Variants in SARM1 observed in about 807,000 individuals in gnomAD.
The protein encoded by SARM1 is sterile alpha and TIR motif containing 1.
A neutral mutation model predicts 65.1 loss-of-function variants in SARM1; 60 were observed. That is an observed-to-expected ratio of 0.92 (90% CI 0.75 to 1.14). The LOEUF is 1.14. Ranked by LOEUF, SARM1 falls within the 50% of genes most tolerant of loss-of-function variation. SARM1 has a pLI of 0.00. For synonymous variants in SARM1, 417 were observed against 465.4 expected (o/e 0.90, Z 1.34); for missense variants, 913 against 1,015.7 (o/e 0.90, Z 1.37).
rs1271931761 is a variant in SARM1 at position 28,400,323 on chromosome 17, C to G, written c.*4037C>G. 2.4e-6 allele frequency: 1 copy of G among 424,030 alleles called. No homozygotes were observed. Among genetic ancestry groups the G allele is most frequent in the African/African-American group, 2.0e-5 (1 of 49,830 alleles). The allele number at this position is 424,030 out of a possible 1,614,324, so 26.3% of individuals were successfully genotyped here. The stretch of plus-strand genomic sequence containing the variant: ...CACAGTTCTGCTGCCATAGTTCCAT[C>G]TATAAAATGGGAATGGAGGGAAATA... On this transcript the variant is annotated 3_prime_UTR_variant, in exon 9 of 9. Transcript: ENST00000585482.
chr17:28,380,986 G>A (rs761453332), intron 1 of SARM1, among the ~76,000 whole-genome samples: 1 of 152,194 alleles, frequency 6.6e-6, no homozygotes, highest in African/African-American at 2.4e-5. Flanking sequence ...GAGGAGGGAG[G>A]GGGAGAACGG....
intron 2 of SARM1, among the ~76,000 whole-genome samples, chr17:28,382,984 C>A (rs1447134076): frequency 6.6e-6 from 1 of 152,178 alleles, no homozygotes; most frequent in East Asian, 1.9e-4. Flanking sequence ...TACCCCATGA[C>A]CCACCTTGTC....
chr17:28,396,050 A>G (rs376463203), intron 8 of SARM1, 24 bp downstream of exon 8: 9 of 1,613,514 alleles, frequency 5.6e-6, no homozygotes, highest in Non-Finnish European at 7.6e-6. Flanking sequence ...CCCTGGGACC[A>G]GGGGGGTAGG....
Position 28,403,334 on chromosome 17 carries a change from C to T in SARM1, c.*7048C>T, listed in dbSNP as rs542439851. ...CATAGGGACACAGCAAATGGGAGTTCCTTTTCCCTTTGCATTCAGTTACTT... is the reference window on the plus strand; with the variant it reads ...CATAGGGACACAGCAAATGGGAGTTTCTTTTCCCTTTGCATTCAGTTACTT... On this transcript the variant is annotated 3_prime_UTR_variant, in exon 9 of 9. Transcript: ENST00000585482. 2.6e-5 allele frequency: 4 copies of T among 152,358 alleles called. No individual in the cohort carries two copies. In the South Asian group the frequency reaches 8.3e-4, roughly 32 times the overall value. The allele number at this position is 152,358 out of a possible 1,614,324, so 9.4% of individuals were successfully genotyped here.
Position 28,399,736 on chromosome 17 carries a change from T to C in SARM1, c.*3450T>C. The C allele has an allele frequency of 2.5e-6, 4 of 1,613,148 alleles. No individual in the cohort carries two copies. Among genetic ancestry groups the C allele is most frequent in the Non-Finnish European group, 3.4e-6 (4 of 1,179,512 alleles). On this transcript the variant is annotated 3_prime_UTR_variant, in exon 9 of 9. Coordinates refer to ENST00000585482, the MANE Select transcript of SARM1 (RefSeq NM_015077.4). ...ATCCTGTGAGAGACCAGAGAGAGAG[T>C]TTGGATTTCATGTGGGGAACCCTCA...
At position 28,372,184 on chromosome 17, in the gene SARM1, G is replaced by C. The variant is rs782566300; in HGVS notation, c.152G>C (p.Arg51Pro). 3 of 1,362,470 alleles carry C rather than the reference G, an allele frequency of 2.2e-6. No homozygotes were observed. The highest frequency in any genetic ancestry group is 1.5e-5 in the African/African-American group (1 of 65,236). The allele number at this position is 1,362,470 out of a possible 1,614,324, so 84.4% of individuals were successfully genotyped here. A position where few individuals can be genotyped will look rare whatever the true frequency, so the allele number is the denominator to read the frequency against. ...PWWAAGGRGPREVSPGAGTEV... is the reference protein window; with the variant it reads ...PWWAAGGRGPPEVSPGAGTEV... Reference sequence around the variant, plus strand: ...TGGGCTGCGGGTGGCCGCGGGCCCCGCGAAGTGTCGCCGGGGGCAGGCACC... The same window carrying C: ...TGGGCTGCGGGTGGCCGCGGGCCCCCCGAAGTGTCGCCGGGGGCAGGCACC... The change falls in exon 1 of 9, where the codon CGC (arginine) becomes CCC (proline). Residue 51 changes from arginine (R) to proline (P), a missense_variant. Around this residue, in one of 3 missense-constraint regions of SARM1, gnomAD observed 862 missense variants for 952.1 expected, o/e 0.91. Transcript: ENST00000585482. The surrounding 1 kb of genome is among the most constrained non-coding windows in gnomAD (Gnocchi z 5.2).
chr17:28,385,367 C>A lies in SARM1; in HGVS notation c.1630+92C>A. 2 of 989,842 alleles carry A rather than the reference C, an allele frequency of 2.0e-6. No homozygotes were observed. Among genetic ancestry groups the A allele is most frequent in the Non-Finnish European group, 2.9e-6 (2 of 689,686 alleles). The allele number at this position is 989,842 out of a possible 1,614,324, so 61.3% of individuals were successfully genotyped here. ...GAGACACGGGGTGGAGCCTTCCAGCCTCGCCGTGGATTGATTGAGCACAAA... is the reference window on the plus strand; with the variant it reads ...GAGACACGGGGTGGAGCCTTCCAGCATCGCCGTGGATTGATTGAGCACAAA... On this transcript the variant is annotated intron_variant, in intron 5 of 8. Coordinates refer to ENST00000585482, the MANE Select transcript of SARM1 (RefSeq NM_015077.4). The surrounding 1 kb of genome is among the most constrained non-coding windows in gnomAD (Gnocchi z 4.5).
chr17:28,400,848 C>T lies in SARM1; in HGVS notation c.*4562C>T. On this transcript the variant is annotated 3_prime_UTR_variant, in exon 9 of 9. Transcript: ENST00000585482. ...GCACCACCACCTCACAGCTGTGTGA[C>T]CGGGAGTAGTCACTTAACCTATGTC... is the stretch of plus-strand genomic sequence containing the variant. The T allele has an allele frequency of 1.5e-6, 2 of 1,298,866 alleles. No individual in the cohort carries two copies. The highest frequency in any genetic ancestry group is 2.2e-6 in the Non-Finnish European group (2 of 922,250). 80.5% of individuals were successfully genotyped at this position (1,298,866 alleles called of 1,614,324 possible).
chr17:28,384,446 G>T lies in SARM1; in HGVS notation c.1179G>T (p.Ala393=), dbSNP rs782404966. 1 of 1,613,388 alleles carries T rather than the reference G, an allele frequency of 6.2e-7. No homozygotes were observed. ...CTAAGTCGGCGCTGGCCAAGCGCGC[G>T]CTGCGCCTGCTGGGCGAGGAGGTGC... is the stretch of plus-strand genomic sequence containing the variant. The part of the protein sequence containing the change: ...NGTKSALAKR[A]LRLLGEEVPR... Residue 393 remains alanine, a synonymous_variant, in exon 3 of 9, where the codon GCG becomes GCT. Transcript: ENST00000585482. This position sits in a 1 kb window ranked among gnomAD's most constrained non-coding sequence, Gnocchi z 4.4.
At chr17:28,390,947 C>T (rs782525079) in intron 7 of SARM1, among the ~76,000 whole-genome samples, 40 of 152,198 alleles carry the variant, frequency 2.6e-4, no homozygotes, top group Admixed American at 5.2e-4. Flanking sequence ...CCTGGCTGCA[C>T]TACTAGTGTA....
At chr17:28,390,807 G>T (rs1383473710) in intron 7 of SARM1, among the ~76,000 whole-genome samples, 1 of 152,188 alleles carries the variant, frequency 6.6e-6, no homozygotes, top group Non-Finnish European at 1.5e-5. Flanking sequence ...TCCCAGGCCA[G>T]GGTAACAGCA....
In SARM1 at chr17:28,388,893, C is replaced by T. The variant is rs915984488; in HGVS notation, c.1923+354C>T. Among the ~76,000 whole-genome samples, 78 of 151,994 alleles carry T rather than the reference C, an allele frequency of 5.1e-4. 1 individual carries two copies. Among genetic ancestry groups the T allele is most frequent in the African/African-American group, 1.8e-3 (73 of 41,432 alleles). On this transcript the variant is annotated intron_variant, in intron 7 of 8. Coordinates refer to ENST00000585482, the MANE Select transcript of SARM1 (RefSeq NM_015077.4). ...TCACACCATTCTCCTCCCTCAGCCT[C>T]CCGAGTAGCTGGGACTACAGGTGCC...
intron 1 of SARM1, among the ~76,000 whole-genome samples, chr17:28,377,610 T>C (rs114655369): frequency 6.6e-6 from 1 of 152,214 alleles, no homozygotes; most frequent in East Asian, 1.9e-4. Flanking sequence ...CAAAATCACA[T>C]GCACTATGGT....
chr17:28,374,073 C>A (rs1409100287), intron 1 of SARM1: 2 of 150,734 alleles, frequency 1.3e-5, no homozygotes, highest in Non-Finnish European at 3.0e-5. Flanking sequence ...TCGAGACCAG[C>A]CTGGCCAACA....
At position 28,388,504 on chromosome 17, in the gene SARM1, A is replaced by T; in HGVS notation, c.1888A>T (p.Met630Leu). 6.2e-7 allele frequency: 1 copy of T among 1,613,848 alleles called. No homozygotes were observed. Among genetic ancestry groups the T allele is most frequent in the Non-Finnish European group, 8.5e-7 (1 of 1,179,890 alleles). Reference sequence around the variant, plus strand: ...ATCACCTGGAGCACTGGACAAGTGCATGCAAGACCATGACTGCAAGGATTG... The same window carrying T: ...ATCACCTGGAGCACTGGACAAGTGCTTGCAAGACCATGACTGCAAGGATTG... ...VLSPGALDKC[M>L]QDHDCKDWVH... The change falls in exon 7 of 9, where the codon ATG becomes TTG. Residue 630 changes from methionine to leucine, a missense_variant. Met to Leu is a conservative substitution (Grantham distance 15). This residue lies in a region of SARM1 where 862 missense variants were observed against 952.1 expected (regional missense o/e 0.91). Coordinates refer to ENST00000585482, the MANE Select transcript of SARM1 (RefSeq NM_015077.4).
intron 1 of SARM1, among the ~76,000 whole-genome samples, chr17:28,375,574 G>A (rs1338560423): frequency 2.0e-5 from 3 of 150,824 alleles, no homozygotes; most frequent in Admixed American, 6.6e-5. Context: ...CTCCAGCCTG[G>A]GCAAGAGTGA....
At position 28,396,282 on chromosome 17, in the gene SARM1, C is replaced by A. The variant is rs567632194; in HGVS notation, c.2171C>A (p.Thr724Asn). The stretch of plus-strand genomic sequence containing the variant: ...GAGGGTGCTGCACCCATGGGTCCAA[C>A]CTAACCAGTCCCCAGTTCCCCAGCC... ...SLEGAAPMGP[T>N] The change falls in exon 9 of 9, where the codon ACC becomes AAC. Residue 724 changes from threonine to asparagine, a missense_variant. By Grantham distance (65) the Thr-to-Asn change is moderately conservative. This residue lies in a region of SARM1 where 862 missense variants were observed against 952.1 expected (regional missense o/e 0.91). Transcript: ENST00000585482. The A allele has an allele frequency of 6.2e-7, 1 of 1,613,938 alleles. No homozygotes were observed. Among genetic ancestry groups the A allele is most frequent in the Admixed American group, 1.7e-5 (1 of 60,022 alleles).
In SARM1 at chr17:28,385,304, C is replaced by T. The variant is rs782280546; in HGVS notation, c.1630+29C>T. On this transcript the variant is annotated intron_variant, in intron 5 of 8. Transcript: ENST00000585482. This position sits in a 1 kb window ranked among gnomAD's most constrained non-coding sequence, Gnocchi z 4.5. ...AGCCCGCTCACCCGGGACCCCGCCC[C>T]AGCCCCAGCCCCAGCCACGGCCCTG... 4.8e-6 allele frequency: 7 copies of T among 1,446,698 alleles called. No homozygotes were observed. In the South Asian group the frequency reaches 9.4e-5, roughly 19 times the overall value. The allele number at this position is 1,446,698 out of a possible 1,614,324, so 89.6% of individuals were successfully genotyped here.
chr17:28,381,061 G>C (rs2068020187), intron 1 of SARM1, 142 bp from the exon 2 acceptor site: 2 of 982,512 alleles, frequency 2.0e-6, no homozygotes, highest in Non-Finnish European at 2.9e-6. Context: ...AGGAGATGAG[G>C]GTGGGGAGCA....
Sources: gnomAD v4.1 joint callset for allele counts (sites outside exome capture counted in the v4.1 genomes callset) on GRCh38, gnomAD v4.1.1 for gene constraint, gnomAD v4.1.1 regional missense constraint, Gnocchi (gnomAD v3.1) non-coding constraint, MANE v1.5 for transcripts, NCBI Gene and HGNC (gene_info 2026-07-23, HGNC 2026-07-21) for gene names.